ITGA9: variants seen among roughly 807,000 people sequenced by gnomAD.
ITGA9 encodes the protein integrin alpha-9.
ITGA9 carries 56 observed loss-of-function variants against 127.8 expected under a neutral mutation model. That is an observed-to-expected ratio of 0.44 (90% CI 0.35 to 0.55). The LOEUF (loss-of-function observed/expected upper bound fraction) is 0.55. ITGA9 is among the 20% of genes least tolerant of loss of function. The pLI is 0.00. For missense variants in ITGA9, 1,196 were observed against 1,347.1 expected (o/e 0.89, Z 1.76); for synonymous variants, 508 against 514.5 (o/e 0.99, Z 0.17).
chr3:37,663,769 A>G (rs560751723), intron 17 of ITGA9, among the ~76,000 whole-genome samples: 1 of 152,332 alleles, frequency 6.6e-6, no homozygotes, highest in Non-Finnish European at 1.5e-5. Context: ...CCATATACAT[A>G]AAAGCACTGA....
chr3:37,465,374 CA>C (rs1698358528), intron 1 of ITGA9, among the ~76,000 whole-genome samples: 1 of 152,220 alleles, frequency 6.6e-6, no homozygotes, highest in African/African-American at 2.4e-5. Flanking sequence ...TGGAAAAATG[CA>C]GGGCACTTAA....
At chr3:37,730,711 T>A (rs1293419311) in intron 18 of ITGA9, among the ~76,000 whole-genome samples, 1 of 152,206 alleles carries the variant, frequency 6.6e-6, no homozygotes, top group Non-Finnish European at 1.5e-5. Flanking sequence ...GCGTTCTGAA[T>A]CCTGTGCCAT....
intron 26 of ITGA9, among the ~76,000 whole-genome samples, chr3:37,797,214 C>T (rs1210596661): frequency 6.6e-6 from 1 of 152,042 alleles, no homozygotes; most frequent in Admixed American, 6.6e-5. Flanking sequence ...TGCCTGTAGT[C>T]CCAGCTACTT....
intron 2 of ITGA9, among the ~76,000 whole-genome samples, chr3:37,472,313 G>A (rs1698441360): frequency 6.6e-6 from 1 of 152,172 alleles, no homozygotes; most frequent in Non-Finnish European, 1.5e-5. Context: ...GTACAAAGGA[G>A]GTATTTTGTT....
At chr3:37,765,909 C>T (rs533988898) in intron 23 of ITGA9, among the ~76,000 whole-genome samples, 1 of 152,362 alleles carries the variant, frequency 6.6e-6, no homozygotes, top group African/African-American at 2.4e-5. Context: ...GAAGCATTAA[C>T]ACTTTGTTGC....
chr3:37,628,883 A>G (rs140449511), intron 15 of ITGA9, among the ~76,000 whole-genome samples: 1 of 152,308 alleles, frequency 6.6e-6, no homozygotes, highest in East Asian at 1.9e-4. Flanking sequence ...ACTGGTTTCT[A>G]AGAATATTTG....
intron 15 of ITGA9, among the ~76,000 whole-genome samples, chr3:37,593,054 A>C (rs1389786553): frequency 6.6e-6 from 1 of 152,174 alleles, no homozygotes; most frequent in African/African-American, 2.4e-5. Flanking sequence ...CAGTAGCCCC[A>C]TGTCTTTGCA....
At position 37,772,901 on chromosome 3, in the gene ITGA9, C is replaced by T. The variant is rs17036938; in HGVS notation, c.2542-4491C>T. 5.9e-3 allele frequency among the ~76,000 whole-genome samples: 896 copies of T among 152,268 alleles called. 17 individuals are homozygous for T. Among genetic ancestry groups the T allele is most frequent in the African/African-American group, 0.021 (861 of 41,542 alleles). ...TGAGGTGTCACATTGCATCACATCA[C>T]GCCATCGCCATTACCCTGTTCACAG... On this transcript the variant is annotated intron_variant, in intron 23 of 27. Coordinates refer to ENST00000264741, the MANE Select transcript of ITGA9 (RefSeq NM_002207.3).
At chr3:37,454,715 A>AT (rs1698237893) in intron 1 of ITGA9, among the ~76,000 whole-genome samples, 1 of 151,840 alleles carries the variant, frequency 6.6e-6, no homozygotes, top group African/African-American at 2.4e-5. Flanking sequence ...TATTGACTTA[A>AT]TTTTTTCTTA....
At chr3:37,709,757 T>C (rs1245002476) in intron 18 of ITGA9, among the ~76,000 whole-genome samples, 1 of 152,220 alleles carries the variant, frequency 6.6e-6, no homozygotes, top group East Asian at 1.9e-4. Context: ...TTTGAGAAGC[T>C]TATGTGGAAG....
chr3:37,816,649 A>G (rs979013727), intron 27 of ITGA9, among the ~76,000 whole-genome samples: 3 of 152,304 alleles, frequency 2.0e-5, no homozygotes, highest in Middle Eastern at 3.4e-3. Context: ...ATTCTGGCCA[A>G]GCACCTTTTC....
intron 15 of ITGA9, among the ~76,000 whole-genome samples, chr3:37,623,493 C>T (rs977195424): frequency 3.9e-5 from 6 of 152,296 alleles, no homozygotes; most frequent in African/African-American, 1.4e-4. Flanking sequence ...GGGAAAAGTG[C>T]CCATAAATGT....
intron 18 of ITGA9, among the ~76,000 whole-genome samples, chr3:37,718,843 G>C (rs1028526710): frequency 5.9e-5 from 9 of 152,136 alleles, no homozygotes; most frequent in African/African-American, 2.2e-4. Flanking sequence ...GCTTTTCATA[G>C]GATTGTCATC....
intron 18 of ITGA9, among the ~76,000 whole-genome samples, chr3:37,720,311 G>A (rs1433371123): frequency 1.4e-4 from 22 of 152,134 alleles, no homozygotes; most frequent in Admixed American, 1.2e-3. Flanking sequence ...TTTGACTCCC[G>A]CATAACCTTT....
intron 20 of ITGA9, among the ~76,000 whole-genome samples, chr3:37,739,887 A>G (rs568961128): frequency 2.0e-4 from 30 of 152,304 alleles, no homozygotes; most frequent in African/African-American, 7.0e-4. Flanking sequence ...TGCCCACAGC[A>G]GTGATCCCAA....
At chr3:37,773,836 TAATC>T (rs1696873047) in intron 23 of ITGA9, among the ~76,000 whole-genome samples, 1 of 152,310 alleles carries the variant, frequency 6.6e-6, no homozygotes, top group Non-Finnish European at 1.5e-5. Context: ...AATGAAGAAA[TAATC>T]AACTATCTGT....
At chr3:37,693,953 C>G (rs901403250) in intron 18 of ITGA9, among the ~76,000 whole-genome samples, 5 of 152,198 alleles carry the variant, frequency 3.3e-5, no homozygotes, top group African/African-American at 1.2e-4. Context: ...TTGGCCTGGC[C>G]ATTAAGATGA....
intron 27 of ITGA9, among the ~76,000 whole-genome samples, chr3:37,813,690 G>C (rs1261803459): frequency 1.3e-5 from 2 of 152,150 alleles, no homozygotes; most frequent in African/African-American, 4.8e-5. Context: ...TTTATTTTTA[G>C]AGAACTGATA....
chr3:37,573,972 A>G (rs1308167863), intron 15 of ITGA9, among the ~76,000 whole-genome samples: 2 of 152,280 alleles, frequency 1.3e-5, no homozygotes, highest in South Asian at 2.1e-4. Flanking sequence ...AGGACTCCAT[A>G]TTATATTCTT....
Sources: gnomAD v4.1 joint callset for allele counts (sites outside exome capture counted in the v4.1 genomes callset) on GRCh38, gnomAD v4.1.1 for gene constraint, MANE v1.5 for transcripts, NCBI Gene and HGNC (gene_info 2026-07-23, HGNC 2026-07-21) for gene names.